Variants in CAMTA1 observed in about 807,000 individuals in gnomAD.
CAMTA1 encodes calmodulin binding transcription activator 1.
Under a neutral mutation model 170.9 loss-of-function variants are expected in CAMTA1, and 27 were observed. That is an observed-to-expected ratio of 0.16 (90% confidence interval 0.12 to 0.22). CAMTA1 has a LOEUF of 0.22. CAMTA1 is among the 10% of genes least tolerant of loss of function. The probability of loss-of-function intolerance (pLI) is 1.00; values close to 1 mark genes in which losing one functional copy is unlikely to be tolerated. For missense variants in CAMTA1, 1,619 were observed against 2,217.2 expected, an observed-to-expected ratio of 0.73 and a Z score of 5.42; for synonymous variants, 833 against 891.5, an observed-to-expected ratio of 0.93 and a Z score of 1.17.
intron 5 of CAMTA1, among the ~76,000 whole-genome samples, chr1:7,438,530 G>A (rs1220922239): frequency 6.6e-6 from 1 of 152,092 alleles, no homozygotes; most frequent in African/African-American, 2.4e-5. Flanking sequence ...GGCATCCCAG[G>A]GTCCCCATCA....
At chr1:7,484,096 G>C (rs1274363841) in intron 6 of CAMTA1, among the ~76,000 whole-genome samples, 1 of 152,200 alleles carries the variant, frequency 6.6e-6, no homozygotes, top group African/African-American at 2.4e-5. Context: ...CCAAGCAAGA[G>C]ACATAAAACA....
chr1:6,863,954 A>G (rs1665695978), intron 3 of CAMTA1, among the ~76,000 whole-genome samples: 1 of 152,200 alleles, frequency 6.6e-6, no homozygotes, highest in Non-Finnish European at 1.5e-5. Flanking sequence ...TTGACAGACT[A>G]AGTATTTTAT....
rs1428271505 is a variant in CAMTA1, at chr1:7,609,345, T to A, written c.511-31055T>A. 2.0e-5 allele frequency among the ~76,000 whole-genome samples: 3 copies of A among 152,198 alleles called. No homozygotes were observed. Among genetic ancestry groups the A allele is most frequent in the African/African-American group, 7.2e-5 (3 of 41,448 alleles). Reference sequence around the variant, plus strand: ...ATCATGTTTACCCATCAGACGCTGTTTTCCTGACACTCAACACTCAAAATA... The same window carrying A: ...ATCATGTTTACCCATCAGACGCTGTATTCCTGACACTCAACACTCAAAATA... On this transcript the variant is annotated intron_variant, in intron 6 of 22. Transcript: ENST00000303635. The surrounding 1 kb of genome is among the most constrained non-coding windows in gnomAD (Gnocchi z 4.4).
At chr1:7,520,996 A>T (rs1480512315) in intron 6 of CAMTA1, among the ~76,000 whole-genome samples, 2 of 152,182 alleles carry the variant, frequency 1.3e-5, no homozygotes, top group Non-Finnish European at 2.9e-5. Flanking sequence ...GTGGTTCCCA[A>T]ATACTTGTCT....
chr1:7,120,460 G>A (rs1337347614), intron 4 of CAMTA1, among the ~76,000 whole-genome samples: 1 of 152,194 alleles, frequency 6.6e-6, no homozygotes, highest in Non-Finnish European at 1.5e-5. Context: ...GCCCTTCAAG[G>A]TGGCTGCTTG....
Position 7,547,350 on chromosome 1 carries a change from A to G in CAMTA1, c.510+79449A>G, listed in dbSNP as rs12081216. On this transcript the variant is annotated intron_variant, in intron 6 of 22. Coordinates refer to ENST00000303635, the MANE Select transcript of CAMTA1 (RefSeq NM_015215.4). The surrounding 1 kb of genome is among the most constrained non-coding windows in gnomAD (Gnocchi z 5.7). ...GCTGGGGAATATATGTATCATATGCACACACACACACACACACACACACAC... is the reference window on the plus strand; with the variant it reads ...GCTGGGGAATATATGTATCATATGCGCACACACACACACACACACACACAC... 0.081 allele frequency among the ~76,000 whole-genome samples: 1,384 copies of G among 17,060 alleles called. 26 individuals are homozygous for G. Among genetic ancestry groups the G allele is most frequent in the African/African-American group, 0.11 (1,317 of 12,364 alleles). The allele number at this position is 17,060 out of a possible 152,430, so 11.2% of individuals were successfully genotyped here.
intron 3 of CAMTA1, among the ~76,000 whole-genome samples, chr1:6,982,503 C>T (rs1384854171): frequency 6.6e-6 from 1 of 151,898 alleles, no homozygotes; most frequent in Non-Finnish European, 1.5e-5. Context: ...TCAGCAGGCT[C>T]CTTATGGGGG....
chr1:7,303,817 G>A (rs1675163993), intron 5 of CAMTA1, among the ~76,000 whole-genome samples: 1 of 152,196 alleles, frequency 6.6e-6, no homozygotes, highest in Admixed American at 6.5e-5. Context: ...TGACTGGAGA[G>A]GAAAGAGCTG....
intron 7 of CAMTA1, among the ~76,000 whole-genome samples, chr1:7,651,122 G>T (rs565730689): frequency 5.3e-5 from 8 of 152,290 alleles, no homozygotes; most frequent in African/African-American, 1.7e-4. Flanking sequence ...CCAGCACCTG[G>T]ACAAATGACC....
intron 3 of CAMTA1, among the ~76,000 whole-genome samples, chr1:6,975,068 G>T (rs1693171071): frequency 6.6e-6 from 1 of 152,178 alleles, no homozygotes; most frequent in Admixed American, 6.5e-5. Flanking sequence ...CGTGAAGGAG[G>T]CGCCATCTCT....
chr1:7,487,123 C>G (rs191479536), intron 6 of CAMTA1, among the ~76,000 whole-genome samples: 39 of 152,338 alleles, frequency 2.6e-4, no homozygotes, highest in Admixed American at 4.6e-4. Flanking sequence ...GGGCTCCTTT[C>G]TGACCCGCAG....
chr1:7,518,374 AC>A (rs1387901595), intron 6 of CAMTA1, among the ~76,000 whole-genome samples: 4 of 151,632 alleles, frequency 2.6e-5, no homozygotes, highest in Non-Finnish European at 4.4e-5. Context: ...CCTGGGCCTG[AC>A]CCCTATCCAC....
intron 4 of CAMTA1, among the ~76,000 whole-genome samples, chr1:7,203,031 G>C (rs1656998160): frequency 6.6e-6 from 1 of 152,250 alleles, no homozygotes; most frequent in East Asian, 1.9e-4. Context: ...TCCTTTATTA[G>C]GTTGAGAAAG....
chr1:7,181,583 A>T (rs1243609212), intron 4 of CAMTA1, among the ~76,000 whole-genome samples: 1 of 152,218 alleles, frequency 6.6e-6, no homozygotes. Context: ...TTGTACATAA[A>T]TAAGAACCAC....
intron 7 of CAMTA1, among the ~76,000 whole-genome samples, chr1:7,640,947 C>T (rs1325308896): frequency 6.6e-6 from 1 of 152,206 alleles, no homozygotes; most frequent in Non-Finnish European, 1.5e-5. Flanking sequence ...CTGCCTTGCC[C>T]ATCCACGTGG....
intron 5 of CAMTA1, among the ~76,000 whole-genome samples, chr1:7,417,666 G>A (rs1227562259): frequency 6.6e-6 from 1 of 152,164 alleles, no homozygotes; most frequent in African/African-American, 2.4e-5. Flanking sequence ...TTTTCCAGGT[G>A]CCGTCTGTCA....
At chr1:6,864,065 C>T (rs1665740203) in intron 3 of CAMTA1, among the ~76,000 whole-genome samples, 1 of 152,174 alleles carries the variant, frequency 6.6e-6, no homozygotes, top group Admixed American at 6.5e-5. Context: ...GTACCATTCT[C>T]ATCACATCAT....
intron 4 of CAMTA1, among the ~76,000 whole-genome samples, chr1:7,158,436 C>T (rs1244079285): frequency 6.6e-6 from 1 of 152,126 alleles, no homozygotes; most frequent in Non-Finnish European, 1.5e-5. Flanking sequence ...TGTTGGATTG[C>T]ACAGTGAGGC....
intron 6 of CAMTA1, among the ~76,000 whole-genome samples, chr1:7,500,612 C>T (rs989285600): frequency 3.3e-5 from 5 of 152,152 alleles, no homozygotes; most frequent in Non-Finnish European, 7.4e-5. Context: ...GCTTCTGTAG[C>T]AGCAGCAGCC....
Sources: allele counts gnomAD v4.1 joint callset (sites outside exome capture counted in the v4.1 genomes callset), GRCh38; gene constraint gnomAD v4.1.1; non-coding constraint Gnocchi (gnomAD v3.1); transcripts MANE v1.5; gene names NCBI Gene and HGNC (gene_info 2026-07-23, HGNC 2026-07-21).